Variants in HIVEP2 observed in about 807,000 individuals in gnomAD.
HIVEP2 encodes the protein transcription factor HIVEP2.
In HIVEP2, 14 loss-of-function variants were observed where a neutral mutation model predicts 180.7. The ratio of observed to expected loss-of-function variants is 0.08; its 90% CI spans 0.05 to 0.12. The LOEUF (loss-of-function observed/expected upper bound fraction) is 0.12. Among genes scored for constraint, HIVEP2 ranks in the 10% least tolerant of loss-of-function variants. The pLI is 1.00. For missense variants in HIVEP2, 2,579 were observed against 3,008.5 expected (o/e 0.86, Z 3.34); for synonymous variants, 1,184 against 1,136.4 (o/e 1.04, Z -0.84).
At chr6:142,810,719 G>C (rs760998443) in intron 2 of HIVEP2, among the ~76,000 whole-genome samples, 2 of 143,522 alleles carry the variant, frequency 1.4e-5, no homozygotes, top group East Asian at 4.0e-4. Context: ...CTAAGATCGC[G>C]CCACTGCACT....
chr6:142,862,927 T>C (rs1231420851), intron 1 of HIVEP2, among the ~76,000 whole-genome samples: 15 of 137,126 alleles, frequency 1.1e-4, no homozygotes, highest in Admixed American at 8.4e-4. Context: ...AAATGTAATA[T>C]ATTGTACTTT....
intron 2 of HIVEP2, among the ~76,000 whole-genome samples, chr6:142,799,160 AG>A (rs1476471026): frequency 5.3e-5 from 8 of 152,328 alleles, no homozygotes; most frequent in African/African-American, 1.9e-4. Flanking sequence ...TATTACTTAA[AG>A]CATGAAATGC....
intron 6 of HIVEP2, 82 bp from the exon 7 acceptor site, chr6:142,765,056 C>A: frequency 7.6e-7 from 1 of 1,323,642 alleles, no homozygotes; most frequent in Non-Finnish European, 1.0e-6. Flanking sequence ...ATTATTTGCA[C>A]GGCAAAGTTT....
chr6:142,901,127 T>C (rs1777123536), intron 1 of HIVEP2, among the ~76,000 whole-genome samples: 1 of 152,230 alleles, frequency 6.6e-6, no homozygotes, highest in African/African-American at 2.4e-5. Flanking sequence ...AGCAAACTGA[T>C]TCTTTTCTTT....
chr6:142,790,441 C>G (rs1393892874), intron 2 of HIVEP2, among the ~76,000 whole-genome samples: 1 of 152,076 alleles, frequency 6.6e-6, no homozygotes, highest in Non-Finnish European at 1.5e-5. Context: ...AACATTTACT[C>G]TTTAACTAAA....
At chr6:142,868,384 T>A (rs1776197858) in intron 1 of HIVEP2, among the ~76,000 whole-genome samples, 2 of 152,220 alleles carry the variant, frequency 1.3e-5, no homozygotes, top group South Asian at 4.1e-4. Flanking sequence ...AAACACATTT[T>A]AAAGAGCAAT....
chr6:142,793,667 C>CTTTCTTTCTTTCTTTCTTTTTTTTTTT (rs1776206032), intron 2 of HIVEP2, among the ~76,000 whole-genome samples: 1 of 118,358 alleles, frequency 8.4e-6, no homozygotes. Context: ...TTTTTTCTTT[C>CTTTCTTTCTTTCTTTCTTTTTTTTTTT]TTTCTTTCTC....
chr6:142,767,754 A>T (rs919119470), intron 6 of HIVEP2, among the ~76,000 whole-genome samples: 1 of 152,238 alleles, frequency 6.6e-6, no homozygotes, highest in African/African-American at 2.4e-5. Context: ...TTTGAACCTT[A>T]TTACTTGAGT....
intron 1 of HIVEP2, among the ~76,000 whole-genome samples, chr6:142,866,878 A>G (rs946409919): frequency 6.6e-6 from 1 of 152,090 alleles, no homozygotes; most frequent in Non-Finnish European, 1.5e-5. Context: ...TTTGCCATTA[A>G]CTATCTTTAT....
At chr6:142,847,440 A>G (rs1466908153) in intron 1 of HIVEP2, among the ~76,000 whole-genome samples, 1 of 151,908 alleles carries the variant, frequency 6.6e-6, no homozygotes, top group East Asian at 1.9e-4. Flanking sequence ...AAAAAGACGA[A>G]AAAGAGTTTA....
At chr6:142,809,671 G>A (rs1371478054) in intron 2 of HIVEP2, among the ~76,000 whole-genome samples, 2 of 152,152 alleles carry the variant, frequency 1.3e-5, no homozygotes, top group Non-Finnish European at 2.9e-5. Context: ...TCAGCTCACT[G>A]TAACCTCTGC....
rs569703893 is a variant in HIVEP2, at chr6:142,771,649, G to A, written c.3090C>T (p.Cys1030=). The change falls in exon 5 of 10, where the codon TGC becomes TGT. Residue 1030 remains cysteine, a synonymous_variant. Coordinates refer to ENST00000367603, the MANE Select transcript of HIVEP2 (RefSeq NM_006734.4). This position sits in a 1 kb window ranked among gnomAD's most constrained non-coding sequence, Gnocchi z 5.4. ...GAGGACAAGGCATCTGCTCTGATGA[G>A]CAGCGTCGCATCTCTTTCTGGTGGT... ...GHHHQKEMRR[C]SSEQMPCPHP... is the part of the protein sequence containing the mutation. 125 of 1,614,074 alleles carry A rather than the reference G, an allele frequency of 7.7e-5. No individual in the cohort carries two copies. The highest frequency in any genetic ancestry group is 1.1e-4 in the Non-Finnish European group (124 of 1,180,042).
intron 2 of HIVEP2, among the ~76,000 whole-genome samples, chr6:142,831,324 G>T (rs1775073791): frequency 6.6e-6 from 1 of 152,104 alleles, no homozygotes; most frequent in African/African-American, 2.4e-5. Context: ...GGACATACAG[G>T]GCACAACATG....
chr6:142,897,167 G>C (rs1289777488), intron 1 of HIVEP2, among the ~76,000 whole-genome samples: 3 of 152,112 alleles, frequency 2.0e-5, no homozygotes, highest in Admixed American at 6.6e-5. Flanking sequence ...TTAACCACCA[G>C]AGAAATAAAA....
intron 1 of HIVEP2, among the ~76,000 whole-genome samples, chr6:142,873,474 G>C (rs1322794917): frequency 6.6e-6 from 1 of 152,076 alleles, no homozygotes; most frequent in Non-Finnish European, 1.5e-5. Flanking sequence ...ATTTACCACA[G>C]GCTTACATAT....
intron 2 of HIVEP2, among the ~76,000 whole-genome samples, chr6:142,797,495 A>G (rs73780165): frequency 6.6e-5 from 10 of 152,304 alleles, no homozygotes; most frequent in African/African-American, 2.4e-4. Context: ...AACTGTAAAC[A>G]AAGTGCTATT....
chr6:142,855,384 C>A (rs1252756992), intron 1 of HIVEP2, among the ~76,000 whole-genome samples: 1 of 152,214 alleles, frequency 6.6e-6, no homozygotes, highest in Non-Finnish European at 1.5e-5. Flanking sequence ...TCCGCTACAA[C>A]CTTCTGTACA....
Position 142,760,111 on chromosome 6 carries a change from T to C in HIVEP2, c.6177A>G (p.Ser2059=), listed in dbSNP as rs1392648007. 4 of 1,613,998 alleles carry C rather than the reference T, an allele frequency of 2.5e-6. No individual in the cohort carries two copies. The highest frequency in any genetic ancestry group is 1.7e-5 in the Admixed American group (1 of 60,000). The change falls in exon 9 of 10, where the codon TCA becomes TCG. Residue 2059 remains serine, a synonymous_variant. Transcript: ENST00000367603. ...GYDSSPCRDN[S]PKRYLIPKGD... is the part of the protein sequence containing the mutation. ...CTTTGGGTATCAGATACCTCTTTGG[T>C]GAATTATCTCGACAGGGTGAAGAAT...
intron 1 of HIVEP2, among the ~76,000 whole-genome samples, chr6:142,926,532 C>A (rs182986192): frequency 7.2e-4 from 110 of 152,350 alleles, no homozygotes; most frequent in African/African-American, 2.5e-3. Context: ...TATATTCTAT[C>A]CGGGCAATGA....
Sources: gnomAD v4.1 joint callset for allele counts (sites outside exome capture counted in the v4.1 genomes callset) on GRCh38, gnomAD v4.1.1 for gene constraint, Gnocchi (gnomAD v3.1) non-coding constraint, MANE v1.5 for transcripts, NCBI Gene and HGNC (gene_info 2026-07-23, HGNC 2026-07-21) for gene names.